Variants in USP50 observed in about 807,000 individuals in gnomAD.
USP50 encodes the protein ubiquitin carboxyl-terminal hydrolase 50.
A neutral mutation model predicts 39.2 loss-of-function variants in USP50; 37 were observed. The observed-to-expected ratio is 0.94, with a 90% CI of 0.73 to 1.24. USP50 has a LOEUF of 1.24. USP50 is among the 50% of genes most tolerant of loss of function. The probability of loss-of-function intolerance (pLI) is 0.00; values close to 1 mark genes in which losing one functional copy is unlikely to be tolerated. For missense variants in USP50, 374 were observed against 398.2 expected (o/e 0.94, Z 0.52); for synonymous variants, 139 against 144.5 (o/e 0.96, Z 0.27).
downstream of USP50, chr15:50,497,313 T>C: frequency 1.3e-6 from 2 of 1,490,582 alleles, no homozygotes; most frequent in Non-Finnish European, 1.8e-6. Flanking sequence ...CTTGTTGTAC[T>C]GCCTGCCATG....
chr15:50,524,109 A>G (rs1340797061), intron 6 of USP50, among the ~76,000 whole-genome samples: 4 of 152,264 alleles, frequency 2.6e-5, no homozygotes, highest in African/African-American at 9.6e-5. Context: ...CTTATATCAT[A>G]AACAAAAACC....
intron 6 of USP50, chr15:50,502,099 T>G (rs1023721860): frequency 1.3e-5 from 2 of 152,152 alleles, no homozygotes; most frequent in Non-Finnish European, 2.9e-5. Flanking sequence ...GAAAATTGAT[T>G]ATTTGTTAAC....
chr15:50,525,627 T>G (rs934914851), intron 6 of USP50, among the ~76,000 whole-genome samples: 1 of 118,400 alleles, frequency 8.4e-6, no homozygotes, highest in South Asian at 2.5e-4. Context: ...TATATGTATA[T>G]GTATATATGT....
At chr15:50,497,132 A>C (rs1167545384), downstream of USP50, 1 of 1,608,816 alleles carries the variant, frequency 6.2e-7, no homozygotes, top group Admixed American at 1.7e-5. Context: ...CTCACAGATA[A>C]CAACAGATTT....
rs770563775 is a variant in USP50 at position 50,544,760 on chromosome 15, A to C, written c.75T>G (p.Tyr25Ter). The C allele has an allele frequency of 1.4e-5, 23 of 1,613,912 alleles. No individual in the cohort carries two copies. The South Asian group carries it at 2.4e-4, about 17-fold the overall frequency. Residue 25 changes from tyrosine (Y) to a stop codon, truncating the protein, a stop_gained, in exon 2 of 7, where the codon TAT (tyrosine) becomes TAG (stop). Transcript: ENST00000532404. LOFTEE classifies it high-confidence loss of function. ...YHVLAECTDY[Y>*]DTLPVKEADG... ...CAGCCTCCTTAACTGGAAGGGTATCATAGTAATCTGTGCACTCTGCACTGT... is the reference window on the plus strand; with the variant it reads ...CAGCCTCCTTAACTGGAAGGGTATCCTAGTAATCTGTGCACTCTGCACTGT...
At chr15:50,506,044 T>A (rs1405899103) in intron 6 of USP50, 1 of 152,216 alleles carries the variant, frequency 6.6e-6, no homozygotes, top group African/African-American at 2.4e-5. Context: ...GAGCAGAGTA[T>A]AAAGATCTTG....
downstream of USP50, among the ~76,000 whole-genome samples, chr15:50,496,612 G>T (rs376460164): frequency 4.6e-5 from 7 of 151,896 alleles, no homozygotes; most frequent in East Asian, 7.7e-4. Flanking sequence ...ATTCTTTCAG[G>T]ATTTCAGGAT....
At chr15:50,519,329 A>C (rs1416186906) in intron 6 of USP50, among the ~76,000 whole-genome samples, 1 of 152,042 alleles carries the variant, frequency 6.6e-6, no homozygotes, top group Non-Finnish European at 1.5e-5. Flanking sequence ...TGTGCAAAGG[A>C]CATGAATACA....
At chr15:50,498,526 G>T, downstream of USP50, 1 of 1,473,464 alleles carries the variant, frequency 6.8e-7, no homozygotes, top group Non-Finnish European at 9.0e-7. Context: ...TAAAAATCTA[G>T]ATGTTAATGA....
chr15:50,497,070 A>C, downstream of USP50: 1 of 1,587,358 alleles, frequency 6.3e-7, no homozygotes, highest in Non-Finnish European at 8.5e-7. Context: ...AGTATCTGCT[A>C]CTTGTTTTTT....
chr15:50,525,558 A>ATATATG (rs1566907543), intron 6 of USP50, among the ~76,000 whole-genome samples: 65 of 107,274 alleles, frequency 6.1e-4, no homozygotes, highest in African/African-American at 2.1e-3. Context: ...ATATATGTGT[A>ATATATG]TATATGTATA....
intron 6 of USP50, among the ~76,000 whole-genome samples, chr15:50,526,803 T>A (rs1157212693): frequency 6.6e-6 from 1 of 152,230 alleles, no homozygotes; most frequent in Non-Finnish European, 1.5e-5. Flanking sequence ...GTAGGCAGTA[T>A]GATTTGGGGC....
intron 2 of USP50, 36 bp downstream of exon 2, chr15:50,544,551 T>C: frequency 6.4e-7 from 1 of 1,552,878 alleles, no homozygotes; most frequent in Non-Finnish European, 8.7e-7. Context: ...GAAGTGGGGG[T>C]GGGGGCTGGG....
intron 5 of USP50, among the ~76,000 whole-genome samples, chr15:50,537,091 GA>G (rs745880108): frequency 4.9e-4 from 74 of 152,002 alleles, no homozygotes; most frequent in Non-Finnish European, 1.2e-4. Flanking sequence ...GAAAAAAATA[GA>G]AAAATAATGG....
intron 1 of USP50, chr15:50,494,336 C>T: frequency 6.8e-7 from 1 of 1,461,408 alleles, no homozygotes; most frequent in Non-Finnish European, 9.2e-7. Flanking sequence ...CTCAGTAGCA[C>T]TGTATTTTTA....
At chr15:50,542,921 CAGA>C (rs544142236) in intron 3 of USP50, among the ~76,000 whole-genome samples, 157 of 152,226 alleles carry the variant, frequency 1.0e-3, no homozygotes, top group African/African-American at 3.7e-3. Flanking sequence ...GTAATGTTAG[CAGA>C]AGGATGTTGC....
intron 6 of USP50, among the ~76,000 whole-genome samples, chr15:50,529,048 C>A (rs976120087): frequency 3.3e-5 from 5 of 152,104 alleles, no homozygotes; most frequent in Non-Finnish European, 5.9e-5. Context: ...AAATTATACT[C>A]CATGCTTTCT....
chr15:50,545,570 GTATATA>G (rs2053064647), intron 1 of USP50, among the ~76,000 whole-genome samples: 2 of 150,530 alleles, frequency 1.3e-5, no homozygotes, highest in Admixed American at 1.3e-4. Context: ...GTATATATTT[GTATATA>G]TATGTATGTA....
chr15:50,497,028 C>G (rs1162328021), downstream of USP50: 1 of 1,539,996 alleles, frequency 6.5e-7, no homozygotes, highest in Non-Finnish European at 8.7e-7. Flanking sequence ...TAAATAGGTG[C>G]TCTCTGACAT....
Sources: gnomAD v4.1 joint callset for allele counts (sites outside exome capture counted in the v4.1 genomes callset) on GRCh38, gnomAD v4.1.1 for gene constraint, MANE v1.5 for transcripts, NCBI Gene and HGNC (gene_info 2026-07-23, HGNC 2026-07-21) for gene names.